The following IL1R1 variants were observed in gnomAD, a reference collection of about 807,000 sequenced individuals.
The protein encoded by IL1R1 is interleukin-1 receptor type 1.
IL1R1 carries 22 observed loss-of-function variants against 50.2 expected under a neutral mutation model. The observed-to-expected ratio is 0.44, with a 90% CI of 0.31 to 0.63. IL1R1 has a LOEUF of 0.63. IL1R1 is among the 20% of genes least tolerant of loss of function. IL1R1 has a pLI of 0.07. For missense variants in IL1R1, 509 were observed against 676.2 expected (o/e 0.75, Z 2.74); for synonymous variants, 251 against 236.7 (o/e 1.06, Z -0.55).
At chr2:102,078,033 A>G (rs1485911837) in intron 1 of IL1R1, among the ~76,000 whole-genome samples, 1 of 152,182 alleles carries the variant, frequency 6.6e-6, no homozygotes, top group Non-Finnish European at 1.5e-5. Flanking sequence ...AAGAAAATGA[A>G]AGCACAATAC....
chr2:102,176,664 C>T lies in IL1R1; in HGVS notation c.1615C>T (p.Pro539Ser). ...CTGGAAGAATGTCAGGTACCACATGCCAGTCCAGCGACGGTCACCTTCATC... is the reference window on the plus strand; with the variant it reads ...CTGGAAGAATGTCAGGTACCACATGTCAGTCCAGCGACGGTCACCTTCATC... ...RFWKNVRYHM[P>S]VQRRSPSSKH... is the part of the protein sequence containing the mutation. The change falls in exon 12 of 12, where the codon CCA becomes TCA. Residue 539 changes from proline to serine, a missense_variant. Coordinates refer to ENST00000410023, the MANE Select transcript of IL1R1 (RefSeq NM_000877.4). 6.2e-7 allele frequency: 1 copy of T among 1,614,172 alleles called. No homozygotes were observed. The highest frequency in any genetic ancestry group is 8.5e-7 in the Non-Finnish European group (1 of 1,180,016).
At chr2:102,093,900 C>G (rs1369955325) in intron 1 of IL1R1, among the ~76,000 whole-genome samples, 1 of 152,164 alleles carries the variant, frequency 6.6e-6, no homozygotes, top group East Asian at 1.9e-4. Flanking sequence ...CCCCGCGGGA[C>G]CAGTCCTCCT....
intron 1 of IL1R1, among the ~76,000 whole-genome samples, chr2:102,086,992 A>G (rs545769862): frequency 1.2e-4 from 18 of 152,308 alleles, no homozygotes; most frequent in African/African-American, 4.3e-4. Context: ...ATTTGCTTCC[A>G]AACCACTGCA....
chr2:102,150,890 G>T (rs530478800), intron 1 of IL1R1, among the ~76,000 whole-genome samples: 1 of 152,172 alleles, frequency 6.6e-6, no homozygotes, highest in Admixed American at 6.5e-5. Flanking sequence ...AGGGGGAACC[G>T]TATGCTATGG....
intron 3 of IL1R1, among the ~76,000 whole-genome samples, chr2:102,162,966 A>G (rs1684861289): frequency 6.6e-6 from 1 of 152,164 alleles, no homozygotes; most frequent in Non-Finnish European, 1.5e-5. Flanking sequence ...CAGCTTTGGC[A>G]AATCTGAAAA....
At chr2:102,134,133 A>G (rs1297350415) in intron 1 of IL1R1, among the ~76,000 whole-genome samples, 1 of 152,228 alleles carries the variant, frequency 6.6e-6, no homozygotes, top group Admixed American at 6.5e-5. Flanking sequence ...CCTTCACAAT[A>G]GCATCCAGTA....
chr2:102,091,476 T>C (rs187192216), intron 1 of IL1R1, among the ~76,000 whole-genome samples: 2 of 152,356 alleles, frequency 1.3e-5, no homozygotes, highest in East Asian at 3.9e-4. Flanking sequence ...GGATAATGTA[T>C]CCTTTTCTTC....
intron 3 of IL1R1, among the ~76,000 whole-genome samples, chr2:102,160,040 C>T (rs140807411): frequency 6.6e-6 from 1 of 152,024 alleles, no homozygotes; most frequent in Admixed American, 6.6e-5. Context: ...ATTTATGAGA[C>T]CCCCACTCCA....
At chr2:102,098,002 C>G (rs1354848788) in intron 1 of IL1R1, among the ~76,000 whole-genome samples, 2 of 151,822 alleles carry the variant, frequency 1.3e-5, no homozygotes, top group Non-Finnish European at 2.9e-5. Flanking sequence ...CTTAGAGGCA[C>G]AAATCTTAAA....
At chr2:102,139,724 T>C (rs1345633149), upstream of IL1R1, among the ~76,000 whole-genome samples, 3 of 152,214 alleles carry the variant, frequency 2.0e-5, no homozygotes, top group African/African-American at 7.2e-5. Context: ...TTCCTCCTGC[T>C]CTGGCCACGT....
At chr2:102,119,682 T>C (rs1441365101) in intron 1 of IL1R1, among the ~76,000 whole-genome samples, 1 of 152,106 alleles carries the variant, frequency 6.6e-6, no homozygotes, top group Non-Finnish European at 1.5e-5. Flanking sequence ...TGACAAACAA[T>C]AATTGTGTAT....
chr2:102,085,234 A>G (rs1292337373), intron 1 of IL1R1, among the ~76,000 whole-genome samples: 2 of 152,176 alleles, frequency 1.3e-5, no homozygotes, highest in Non-Finnish European at 2.9e-5. Context: ...TGATTTATCA[A>G]TAGTCTTTCT....
At chr2:102,082,389 G>T (rs907719657) in intron 1 of IL1R1, among the ~76,000 whole-genome samples, 11 of 152,158 alleles carry the variant, frequency 7.2e-5, no homozygotes, top group African/African-American at 2.7e-4. Flanking sequence ...TATCTTGTTT[G>T]TTCTAAAGCC....
At position 102,172,801 on chromosome 2, in the gene IL1R1, T is replaced by A. The variant is rs1248531987; in HGVS notation, c.954T>A (p.His318Gln). The A allele has an allele frequency of 6.2e-7, 1 of 1,611,010 alleles. No individual in the cohort carries two copies. The highest frequency in any genetic ancestry group is 1.3e-5 in the African/African-American group (1 of 74,814). The change falls in exon 9 of 12, where the codon CAT (histidine) becomes CAA (glutamine). Residue 318 changes from histidine (H) to glutamine (Q), a missense_variant. By Grantham distance (24) the His-to-Gln change is conservative (BLOSUM62 0). Transcript: ENST00000410023. ...HPFTCFAKNT[H>Q]GIDAAYIQLI... is the part of the protein sequence containing the mutation. ...TTACCTGTTTTGCCAAGAATACACATGGTATAGATGCAGCATATATCCAGT... is the reference window on the plus strand; with the variant it reads ...TTACCTGTTTTGCCAAGAATACACAAGGTATAGATGCAGCATATATCCAGT...
intron 1 of IL1R1, among the ~76,000 whole-genome samples, chr2:102,150,946 T>C (rs1041297603): frequency 6.6e-5 from 10 of 152,250 alleles, no homozygotes; most frequent in Admixed American, 5.9e-4. Context: ...TTTCTTGTTT[T>C]ATTTTATGTG....
At chr2:102,099,406 T>C (rs1453713462) in intron 1 of IL1R1, among the ~76,000 whole-genome samples, 1 of 152,176 alleles carries the variant, frequency 6.6e-6, no homozygotes, top group African/African-American at 2.4e-5. Flanking sequence ...GAGTGCTTAA[T>C]CTATTGTTAT....
chr2:102,103,168 A>C (rs1296789342), upstream of IL1R1, among the ~76,000 whole-genome samples: 12 of 152,234 alleles, frequency 7.9e-5, no homozygotes, highest in Non-Finnish European at 1.5e-5. Flanking sequence ...ATAAATAAGT[A>C]AATGAATATA....
chr2:102,142,556 C>G (rs1201715858), upstream of IL1R1: 1 of 152,060 alleles, frequency 6.6e-6, no homozygotes, highest in Admixed American at 6.6e-5. Context: ...TTGGAACCGG[C>G]GGGACCCCTG....
intron 1 of IL1R1, among the ~76,000 whole-genome samples, chr2:102,123,741 G>A (rs1681531219): frequency 6.6e-6 from 1 of 151,982 alleles, no homozygotes; most frequent in Admixed American, 6.6e-5. Flanking sequence ...TCACGCCATT[G>A]CACTCCAGCC....
Sources: gnomAD v4.1 joint callset for allele counts (sites outside exome capture counted in the v4.1 genomes callset) on GRCh38, gnomAD v4.1.1 for gene constraint, MANE v1.5 for transcripts, NCBI Gene and HGNC (gene_info 2026-07-23, HGNC 2026-07-21) for gene names.